Variants in CFAP46 observed in about 807,000 individuals in gnomAD.
CFAP46 encodes the protein cilia- and flagella-associated protein 46.
In CFAP46, 245 loss-of-function variants were observed where a neutral mutation model predicts 325.7. The ratio of observed to expected loss-of-function variants is 0.75; its 90% CI spans 0.68 to 0.84. The LOEUF is 0.84. CFAP46 is among the 40% of genes least tolerant of loss of function. The pLI is 0.00. For missense variants in CFAP46, 3,346 were observed against 3,543.0 expected (o/e 0.94, Z 1.41); for synonymous variants, 1,523 against 1,495.9 (o/e 1.02, Z -0.42).
At chr10:132,857,517 A>C (rs1464407436) in intron 39 of CFAP46, 73 bp downstream of exon 39, 1 of 1,461,200 alleles carries the variant, frequency 6.8e-7, no homozygotes, top group African/African-American at 1.4e-5. Context: ...CTGGCTTGTA[A>C]GGTAAGTTAC....
At chr10:132,851,428 G>A (rs2135145152) in intron 39 of CFAP46, 123 bp from the exon 40 acceptor site, 1 of 879,122 alleles carries the variant, frequency 1.1e-6, no homozygotes, top group Non-Finnish European at 1.7e-6. Context: ...CAGATCTACA[G>A]TGGAAAACTG....
chr10:132,851,212 C>T lies in CFAP46; in HGVS notation c.5668G>A (p.Glu1890Lys). ...MALDMLQFIW[E>K]EAHGQQSEQG... ...TCACTCTGCTGCCCGTGGGCCTCCTCCCAGATGAACTGGAGCATGTCCAGA... is the reference window on the plus strand; with the variant it reads ...TCACTCTGCTGCCCGTGGGCCTCCTTCCAGATGAACTGGAGCATGTCCAGA... Residue 1890 changes from glutamate to lysine, a missense_variant, in exon 40 of 58, where the codon GAG (glutamate) becomes AAG (lysine). Coordinates refer to ENST00000368586, the MANE Select transcript of CFAP46 (RefSeq NM_001200049.3). The T allele has an allele frequency of 6.2e-7, 1 of 1,614,136 alleles. No homozygotes were observed. Among genetic ancestry groups the T allele is most frequent in the South Asian group, 1.1e-5 (1 of 91,088 alleles).
At chr10:132,928,803 G>C (rs1004068900) in intron 9 of CFAP46, among the ~76,000 whole-genome samples, 1 of 152,188 alleles carries the variant, frequency 6.6e-6, no homozygotes, top group Non-Finnish European at 1.5e-5. Flanking sequence ...CTGTGGAAGA[G>C]CCTGTCACAG....
chr10:132,814,788 G>A, intron 51 of CFAP46, 42 bp from the exon 52 acceptor site: 1 of 1,613,570 alleles, frequency 6.2e-7, no homozygotes, highest in Non-Finnish European at 8.5e-7. Flanking sequence ...GGGGCCAGGA[G>A]CCTGACCTCC....
At chr10:132,911,569 A>T (rs1177597142) in intron 19 of CFAP46, among the ~76,000 whole-genome samples, 2 of 152,196 alleles carry the variant, frequency 1.3e-5, no homozygotes, top group Non-Finnish European at 2.9e-5. Flanking sequence ...CTCATTAGGA[A>T]ACCGGCTTTC....
At chr10:132,922,449 C>A in intron 12 of CFAP46, 31 bp downstream of exon 12, 1 of 1,515,780 alleles carries the variant, frequency 6.6e-7, no homozygotes. Flanking sequence ...GGCTGCAGCA[C>A]CCAGCCTCCC....
At chr10:132,908,020 C>G (rs551496147) in intron 22 of CFAP46, among the ~76,000 whole-genome samples, 4 of 152,378 alleles carry the variant, frequency 2.6e-5, no homozygotes, top group Non-Finnish European at 5.9e-5. Flanking sequence ...GAGGCCCCCC[C>G]TTTCTGTGCC....
At chr10:132,879,145 A>G (rs73393239) in intron 29 of CFAP46, among the ~76,000 whole-genome samples, 12,106 of 151,892 alleles carry the variant, frequency 0.08, 1,253 homozygotes, top group African/African-American at 0.24. Context: ...ATCTGGAGGG[A>G]GCCACGAGCC....
rs1777203326 is a variant in CFAP46 at position 132,884,703 on chromosome 10, C to T, written c.3627+400G>A. ...AGAACGCCCACATCCCAGGGCCCTGCAGAGCCCTGCTCTCCTGTGCAGCCA... is the reference window on the plus strand; with the variant it reads ...AGAACGCCCACATCCCAGGGCCCTGTAGAGCCCTGCTCTCCTGTGCAGCCA... On this transcript the variant is annotated intron_variant, in intron 27 of 57. Transcript: ENST00000368586. This position sits in a 1 kb window ranked among gnomAD's most constrained non-coding sequence, Gnocchi z 5.4. Among the ~76,000 whole-genome samples the T allele has an allele frequency of 6.6e-6, 1 of 152,092 alleles. No homozygotes were observed. Among genetic ancestry groups the T allele is most frequent in the Non-Finnish European group, 1.5e-5 (1 of 67,992 alleles).
intron 27 of CFAP46, among the ~76,000 whole-genome samples, chr10:132,881,907 A>G (rs1253099859): frequency 1.3e-5 from 2 of 152,218 alleles, no homozygotes; most frequent in Non-Finnish European, 2.9e-5. Context: ...CGGCACTCAC[A>G]CTGCATCAGC....
chr10:132,929,230 A>C (rs2135671535), intron 9 of CFAP46: 1 of 484,310 alleles, frequency 2.1e-6, no homozygotes, highest in East Asian at 3.1e-5. Flanking sequence ...AATAAGATAC[A>C]ATCATAACAC....
chr10:132,925,372 C>A (rs1849794692), intron 10 of CFAP46, among the ~76,000 whole-genome samples: 1 of 152,270 alleles, frequency 6.6e-6, no homozygotes, highest in Non-Finnish European at 1.5e-5. Context: ...CAGCCTGTGG[C>A]TTCCACGGGG....
rs892062903 is a variant in CFAP46 at position 132,942,304 on chromosome 10, T to A, written c.49+132A>T. 3 of 830,916 alleles carry A rather than the reference T, an allele frequency of 3.6e-6. No homozygotes were observed. In the African/African-American group the frequency reaches 7.9e-5, roughly 22 times the overall value. 51.5% of individuals were successfully genotyped at this position (830,916 alleles called of 1,614,324 possible). ...GGTCAGACGATCGGGAGGTGGGGGC[T>A]CCGGCTGTGGCCCTCGAGGGATCAC... On this transcript the variant is annotated intron_variant, in intron 1 of 57. Transcript: ENST00000368586.
At chr10:132,823,426 CTGA>C (rs1344478567) in intron 50 of CFAP46, among the ~76,000 whole-genome samples, 11 of 119,186 alleles carry the variant, frequency 9.2e-5, no homozygotes, top group East Asian at 2.9e-4. Flanking sequence ...TGTGTGAGTG[CTGA>C]TGTGTGCTGT....
chr10:132,932,175 C>T (rs1849919351), intron 8 of CFAP46, among the ~76,000 whole-genome samples: 1 of 146,808 alleles, frequency 6.8e-6, no homozygotes, highest in Non-Finnish European at 1.5e-5. Context: ...ACACTTCTCA[C>T]ACAGAGCCTA....
intron 50 of CFAP46, among the ~76,000 whole-genome samples, chr10:132,831,910 CTTGTT>C (rs1848153414): frequency 6.6e-6 from 1 of 150,538 alleles, no homozygotes; most frequent in Non-Finnish European, 1.5e-5. Flanking sequence ...GTTTGTTTTT[CTTGTT>C]TTGTTTTTAT....
At chr10:132,841,071 A>C (rs1264346690) in intron 44 of CFAP46, among the ~76,000 whole-genome samples, 1 of 152,206 alleles carries the variant, frequency 6.6e-6, no homozygotes, top group Non-Finnish European at 1.5e-5. Context: ...TGGAGGGAAC[A>C]TTCAAACCAT....
At chr10:132,819,854 T>G (rs1298111571) in intron 50 of CFAP46, among the ~76,000 whole-genome samples, 1 of 152,136 alleles carries the variant, frequency 6.6e-6, no homozygotes, top group Non-Finnish European at 1.5e-5. Flanking sequence ...GATATAACAT[T>G]GAAATCATAA....
intron 50 of CFAP46, among the ~76,000 whole-genome samples, chr10:132,824,486 CGCTGTGTGCTGTGTGCTGA>C (rs1847989473): frequency 1.5e-5 from 1 of 66,412 alleles, no homozygotes. Context: ...GTGCTGTGTG[CGCTGTGTGCTGTGTGCTGA>C]TGTGTGCTGA....
Sources: allele counts gnomAD v4.1 joint callset (sites outside exome capture counted in the v4.1 genomes callset), GRCh38; gene constraint gnomAD v4.1.1; non-coding constraint Gnocchi (gnomAD v3.1); transcripts MANE v1.5; gene names NCBI Gene and HGNC (gene_info 2026-07-23, HGNC 2026-07-21).